PTPRE: variants seen among roughly 807,000 people sequenced by gnomAD.
The protein encoded by PTPRE is receptor-type tyrosine-protein phosphatase epsilon.
PTPRE carries 51 observed loss-of-function variants against 102.0 expected under a neutral mutation model. That is an observed-to-expected ratio of 0.50 (90% CI 0.40 to 0.63). PTPRE has a LOEUF of 0.63. PTPRE is among the 30% of genes least tolerant of loss of function. The probability of loss-of-function intolerance (pLI) is 0.00; values close to 1 mark genes in which losing one functional copy is unlikely to be tolerated. For missense variants in PTPRE, 752 were observed against 915.1 expected (o/e 0.82, Z 2.30); for synonymous variants, 345 against 348.2 (o/e 0.99, Z 0.10).
intron 1 of PTPRE, among the ~76,000 whole-genome samples, chr10:127,971,028 C>A (rs1850686538): frequency 6.6e-6 from 1 of 152,060 alleles, no homozygotes; most frequent in Non-Finnish European, 1.5e-5. Flanking sequence ...CTGTGGCAGA[C>A]CCAGGAAGGT....
intron 1 of PTPRE, among the ~76,000 whole-genome samples, chr10:127,947,020 CA>C (rs59527787): frequency 0.018 from 1,469 of 82,396 alleles, 16 homozygotes; most frequent in Middle Eastern, 0.041. Flanking sequence ...GACCCTGTCT[CA>C]AAAAAAAAAA....
intron 2 of PTPRE, among the ~76,000 whole-genome samples, chr10:128,003,618 G>A (rs540039932): frequency 4.7e-4 from 72 of 152,122 alleles, no homozygotes; most frequent in Non-Finnish European, 9.0e-4. Context: ...ATGCATTTGT[G>A]GCAGTTCACG....
chr10:127,931,982 T>C (rs1452264795), intron 1 of PTPRE, among the ~76,000 whole-genome samples: 1 of 152,240 alleles, frequency 6.6e-6, no homozygotes, highest in Non-Finnish European at 1.5e-5. Flanking sequence ...AGTTTTGACT[T>C]AGTCATCACT....
chr10:128,045,591 G>A (rs979829392), intron 3 of PTPRE, among the ~76,000 whole-genome samples: 19 of 152,180 alleles, frequency 1.2e-4, no homozygotes, highest in African/African-American at 4.3e-4. Flanking sequence ...CAGGCCCTCC[G>A]TGGGGCTGGG....
rs968933560 is a variant in PTPRE at position 128,049,432 on chromosome 10, T to C, written c.284-98T>C. ...TGAGAGAACTGTTCCAGCTCCAGCC[T>C]GGTCATTTCTTCAGGAATGTCGTTG... On this transcript the variant is annotated intron_variant, in intron 5 of 20. Transcript: ENST00000254667. The C allele has an allele frequency of 3.1e-5, 45 of 1,444,164 alleles. No homozygotes were observed. In the African/African-American group the frequency reaches 5.7e-4, roughly 18 times the overall value. The allele number at this position is 1,444,164 out of a possible 1,614,324, so 89.5% of individuals were successfully genotyped here. A position where few individuals can be genotyped will look rare whatever the true frequency, so the allele number is the denominator to read the frequency against.
At position 128,048,947 on chromosome 10, in the gene PTPRE, T is replaced by G. The variant is rs535936692; in HGVS notation, c.284-583T>G. Among the ~76,000 whole-genome samples, 2 of 152,316 alleles carry G rather than the reference T, an allele frequency of 1.3e-5. 1 individual carries two copies. Among genetic ancestry groups the G allele is most frequent in the Admixed American group, 1.3e-4 (2 of 15,306 alleles). On this transcript the variant is annotated intron_variant, in intron 5 of 20. Coordinates refer to ENST00000254667, the MANE Select transcript of PTPRE (RefSeq NM_006504.6). ...ACTGTTCTTGCCTCTCACTCCGAAC[T>G]TGGGGAAGGAATGTGTCCAAGAACT...
chr10:127,980,519 C>T (rs928767268), intron 1 of PTPRE, among the ~76,000 whole-genome samples: 2 of 151,992 alleles, frequency 1.3e-5, no homozygotes, highest in African/African-American at 4.8e-5. Flanking sequence ...TAACTTATTG[C>T]ATTGGCTATG....
At chr10:127,977,307 T>A (rs965545230) in intron 1 of PTPRE, among the ~76,000 whole-genome samples, 1 of 152,238 alleles carries the variant, frequency 6.6e-6, no homozygotes, top group East Asian at 1.9e-4. Context: ...TTATTCCATA[T>A]CCTTTCTTTA....
At chr10:127,988,097 CAG>C (rs1275497118) in intron 2 of PTPRE, among the ~76,000 whole-genome samples, 1 of 152,204 alleles carries the variant, frequency 6.6e-6, no homozygotes, top group Non-Finnish European at 1.5e-5. Context: ...GTATGAGTTA[CAG>C]AGAGATTTCT....
chr10:127,951,132 T>G (rs1289217864), intron 1 of PTPRE, among the ~76,000 whole-genome samples: 1 of 152,106 alleles, frequency 6.6e-6, no homozygotes, highest in East Asian at 1.9e-4. Context: ...GCCTACTAAA[T>G]TCTTACCTGA....
chr10:128,056,022 C>T, intron 6 of PTPRE, 101 bp from the exon 7 acceptor site: 1 of 907,196 alleles, frequency 1.1e-6, no homozygotes, highest in Admixed American at 1.9e-5. Context: ...AGGTAGTTTG[C>T]TCCACGTGTT....
At chr10:128,074,104 C>T (rs1851020475) in intron 17 of PTPRE, among the ~76,000 whole-genome samples, 1 of 152,190 alleles carries the variant, frequency 6.6e-6, no homozygotes, top group Non-Finnish European at 1.5e-5. Flanking sequence ...TTCCCCTAAC[C>T]CCTGGCAACC....
intron 1 of PTPRE, among the ~76,000 whole-genome samples, chr10:127,954,534 C>A (rs1849262774): frequency 1.3e-5 from 2 of 152,154 alleles, no homozygotes; most frequent in Admixed American, 1.3e-4. Context: ...CACCCAAAGC[C>A]AAAGAAGTGC....
chr10:128,043,558 T>A (rs1847878892), intron 3 of PTPRE, among the ~76,000 whole-genome samples: 1 of 152,226 alleles, frequency 6.6e-6, no homozygotes, highest in Non-Finnish European at 1.5e-5. Flanking sequence ...AGACCTCCGC[T>A]GTGGATGAAT....
rs1851978408 is a variant in PTPRE at position 128,084,764 on chromosome 10, C to T, written c.*1858C>T. On this transcript the variant is annotated 3_prime_UTR_variant, in exon 21 of 21. Transcript: ENST00000254667. ...GAGGGAAGTAAGCTTCTGTTCAGCACCTGAACCCTAGAAAAAGAGCCAGTT... is the reference window on the plus strand; with the variant it reads ...GAGGGAAGTAAGCTTCTGTTCAGCATCTGAACCCTAGAAAAAGAGCCAGTT... 6 of 158,442 alleles carry T rather than the reference C, an allele frequency of 3.8e-5. No individual in the cohort carries two copies. In the Admixed American group the frequency reaches 3.8e-4, roughly 10 times the overall value. The allele number at this position is 158,442 out of a possible 1,614,324, so 9.8% of individuals were successfully genotyped here.
At chr10:127,979,092 T>C (rs568183339) in intron 1 of PTPRE, among the ~76,000 whole-genome samples, 1 of 152,196 alleles carries the variant, frequency 6.6e-6, no homozygotes, top group Non-Finnish European at 1.5e-5. Flanking sequence ...GGATAGTTGT[T>C]AGATGTGGGA....
At chr10:127,923,513 C>T (rs970380416) in intron 1 of PTPRE, among the ~76,000 whole-genome samples, 5 of 150,156 alleles carry the variant, frequency 3.3e-5, no homozygotes, top group African/African-American at 1.2e-4. Flanking sequence ...AAGTGATTCT[C>T]CCGCCTCAGC....
At chr10:127,923,321 C>A (rs543057358) in intron 1 of PTPRE, among the ~76,000 whole-genome samples, 1 of 151,774 alleles carries the variant, frequency 6.6e-6, no homozygotes, top group South Asian at 2.1e-4. Context: ...CTATCCAGAG[C>A]GAGTGCTACA....
intron 18 of PTPRE, 63 bp from the exon 19 acceptor site, chr10:128,077,554 G>A (rs12259007): frequency 0.013 from 20,756 of 1,538,734 alleles, 186 homozygotes; most frequent in Middle Eastern, 0.038. Context: ...TGAGAGGGCA[G>A]ATGGGGCTGG....
Sources: gnomAD v4.1 joint callset for allele counts (sites outside exome capture counted in the v4.1 genomes callset) on GRCh38, gnomAD v4.1.1 for gene constraint, MANE v1.5 for transcripts, NCBI Gene and HGNC (gene_info 2026-07-23, HGNC 2026-07-21) for gene names.